NALF1: variants seen among roughly 807,000 people sequenced by gnomAD.
NALF1 encodes the protein family with sequence similarity 155 member A.
Under a neutral mutation model 48.4 loss-of-function variants are expected in NALF1, and 3 were observed. The observed-to-expected ratio is 0.06, with a 90% CI of 0.03 to 0.16. The LOEUF (loss-of-function observed/expected upper bound fraction) is 0.16, where lower values mean the gene tolerates loss of function less well. Among genes scored for constraint, NALF1 ranks in the 10% least tolerant of loss-of-function variants. NALF1 has a pLI of 1.00. For synonymous variants in NALF1, 262 were observed against 245.7 expected (o/e 1.07, Z -0.62); for missense variants, 526 against 571.5 (o/e 0.92, Z 0.81).
At chr13:107,230,005 C>A (rs2138823787) in intron 1 of NALF1, among the ~76,000 whole-genome samples, 1 of 152,240 alleles carries the variant, frequency 6.6e-6, no homozygotes, top group Admixed American at 6.5e-5. Flanking sequence ...ATGATTTTAC[C>A]CTTGAGGGGA....
intron 1 of NALF1, among the ~76,000 whole-genome samples, chr13:107,451,723 ACTT>A (rs1161316660): frequency 6.6e-6 from 1 of 152,068 alleles, no homozygotes; most frequent in Non-Finnish European, 1.5e-5. Context: ...TAACTCTCAA[ACTT>A]CTTAATACAT....
intron 1 of NALF1, among the ~76,000 whole-genome samples, chr13:107,435,695 C>T (rs865921036): frequency 6.6e-6 from 1 of 151,136 alleles, no homozygotes; most frequent in Admixed American, 6.6e-5. Flanking sequence ...CTTGAAATAA[C>T]TAACAATTTG....
At chr13:107,484,955 A>C (rs1476918717) in intron 1 of NALF1, among the ~76,000 whole-genome samples, 1 of 152,192 alleles carries the variant, frequency 6.6e-6, no homozygotes, top group Non-Finnish European at 1.5e-5. Flanking sequence ...GGGTATTTCC[A>C]GTGGTCAAAG....
intron 1 of NALF1, among the ~76,000 whole-genome samples, chr13:107,448,918 A>T (rs1310448440): frequency 3.3e-5 from 5 of 152,020 alleles, no homozygotes; most frequent in African/African-American, 1.2e-4. Flanking sequence ...ATGCCATGTA[A>T]CTCTCCTGCA....
At chr13:107,639,950 CATCTT>C (rs1880105405) in intron 1 of NALF1, among the ~76,000 whole-genome samples, 1 of 152,142 alleles carries the variant, frequency 6.6e-6, no homozygotes, top group Admixed American at 6.6e-5. Flanking sequence ...TTATTTAACA[CATCTT>C]ATATTACAGC....
At position 107,406,674 on chromosome 13, in the gene NALF1, A is replaced by G. The variant is rs1322577410; in HGVS notation, c.916-195919T>C. Reference sequence around the variant, plus strand: ...GCCATTCTTTACAGAAATAGAAAAAACAGTCCTAAAATTTATATGGAACCA... The same window carrying G: ...GCCATTCTTTACAGAAATAGAAAAAGCAGTCCTAAAATTTATATGGAACCA... On this transcript the variant is annotated intron_variant, in intron 1 of 2. Transcript: ENST00000375915. Among the ~76,000 whole-genome samples the G allele has an allele frequency of 2.6e-5, 4 of 152,070 alleles. No homozygotes were observed. The East Asian group carries it at 7.7e-4, about 29-fold the overall frequency.
chr13:107,462,025 T>G (rs946114670), intron 1 of NALF1, among the ~76,000 whole-genome samples: 1 of 152,196 alleles, frequency 6.6e-6, no homozygotes, highest in African/African-American at 2.4e-5. Flanking sequence ...CGTTACATAT[T>G]TTCCTTGGCT....
At chr13:107,436,986 A>T (rs1594062401) in intron 1 of NALF1, among the ~76,000 whole-genome samples, 1 of 152,188 alleles carries the variant, frequency 6.6e-6, no homozygotes, top group Non-Finnish European at 1.5e-5. Context: ...TTTTAAAGAC[A>T]TATATCTGAA....
chr13:107,215,340 C>T (rs368476818), intron 1 of NALF1, among the ~76,000 whole-genome samples: 448 of 152,280 alleles, frequency 2.9e-3, no homozygotes, highest in Non-Finnish European at 5.1e-3. Flanking sequence ...CACCCTCTAC[C>T]TCCAGACCTA....
intron 1 of NALF1, among the ~76,000 whole-genome samples, chr13:107,621,800 A>G (rs1204003799): frequency 6.6e-6 from 1 of 152,158 alleles, no homozygotes; most frequent in Non-Finnish European, 1.5e-5. Context: ...TGGCCTTCTG[A>G]TCACAGCTGA....
chr13:107,515,720 C>A (rs571546810), intron 1 of NALF1, among the ~76,000 whole-genome samples: 12 of 152,194 alleles, frequency 7.9e-5, no homozygotes, highest in African/African-American at 2.9e-4. Context: ...CTGTACATTA[C>A]GTTTCCCACA....
intron 1 of NALF1, among the ~76,000 whole-genome samples, chr13:107,581,013 C>T (rs1021404948): frequency 2.6e-5 from 4 of 152,026 alleles, no homozygotes; most frequent in Admixed American, 6.6e-5. Flanking sequence ...AGTCAAAATA[C>T]GGTAAACCCA....
chr13:107,363,576 G>T (rs1883102239), intron 1 of NALF1, among the ~76,000 whole-genome samples: 1 of 152,196 alleles, frequency 6.6e-6, no homozygotes, highest in African/African-American at 2.4e-5. Context: ...TCCAGCCTGG[G>T]TGATGAAACA....
chr13:107,729,114 G>T (rs1469292303), intron 1 of NALF1, among the ~76,000 whole-genome samples: 1 of 152,136 alleles, frequency 6.6e-6, no homozygotes, highest in Non-Finnish European at 1.5e-5. Context: ...GATCAAGCTG[G>T]CAAACTACAG....
chr13:107,616,725 G>A (rs1042536123), intron 1 of NALF1, among the ~76,000 whole-genome samples: 3 of 152,088 alleles, frequency 2.0e-5, no homozygotes, highest in Non-Finnish European at 2.9e-5. Context: ...GAGGTCATCC[G>A]AATATTGATA....
At position 107,785,278 on chromosome 13, in the gene NALF1, C is replaced by T. The variant is rs145239908; in HGVS notation, c.915+80404G>A. Among the ~76,000 whole-genome samples, 979 of 152,182 alleles carry T rather than the reference C, an allele frequency of 6.4e-3. 8 individuals carry two copies. The highest frequency in any genetic ancestry group is 0.022 in the African/African-American group (925 of 41,500). ...GTAGGATTACTATGTGCTGATTCCA[C>T]AAAACCGCTCCCCTCAGTGAGTGAC... On this transcript the variant is annotated intron_variant, in intron 1 of 2. Coordinates refer to ENST00000375915, the MANE Select transcript of NALF1 (RefSeq NM_001080396.3).
rs1566469361 is a variant in NALF1, at chr13:107,754,392, CACA to C, written c.915+111287_915+111289del. The stretch of plus-strand genomic sequence containing the variant: ...ACACACACACACACACACACACACA[CACA>C]CACCATATATGGAACCGCTGAACAA... On this transcript the variant is annotated intron_variant, in intron 1 of 2. Transcript: ENST00000375915. Among the ~76,000 whole-genome samples the C allele has an allele frequency of 4.5e-4, 62 of 137,826 alleles. 1 individual carries two copies. In the South Asian group the frequency reaches 0.011, roughly 25 times the overall value. 90.4% of individuals were successfully genotyped at this position (137,826 alleles called of 152,430 possible).
At chr13:107,506,801 A>G (rs1875710944) in intron 1 of NALF1, among the ~76,000 whole-genome samples, 1 of 151,882 alleles carries the variant, frequency 6.6e-6, no homozygotes, top group South Asian at 2.1e-4. Context: ...CATGTGGATC[A>G]TTTCTACTTT....
chr13:107,833,345 C>T (rs1028004928), intron 1 of NALF1, among the ~76,000 whole-genome samples: 4 of 152,102 alleles, frequency 2.6e-5, no homozygotes, highest in African/African-American at 4.8e-5. Context: ...ATTTTACACT[C>T]GGTTCAAAAT....
Sources: gnomAD v4.1 joint callset for allele counts (sites outside exome capture counted in the v4.1 genomes callset) on GRCh38, gnomAD v4.1.1 for gene constraint, MANE v1.5 for transcripts, NCBI Gene and HGNC (gene_info 2026-07-23, HGNC 2026-07-21) for gene names.